The following COBL variants were observed in gnomAD, a reference collection of about 807,000 sequenced individuals.
COBL encodes protein cordon-bleu.
A neutral mutation model predicts 98.8 loss-of-function variants in COBL; 51 were observed. That is an observed-to-expected ratio of 0.52 (90% CI 0.41 to 0.65). COBL has a LOEUF of 0.65. Ranked by LOEUF, COBL falls within the 30% of genes least tolerant of loss-of-function variation. The pLI, the probability that COBL is intolerant of heterozygous loss-of-function variation, is 0.00. For missense variants in COBL, 1,617 were observed against 1,617.5 expected, an observed-to-expected ratio of 1.00 and a Z score of 0.01; for synonymous variants, 634 against 651.7, an observed-to-expected ratio of 0.97 and a Z score of 0.41.
At chr7:51,303,792 G>A (rs1802216861) in intron 1 of COBL, among the ~76,000 whole-genome samples, 1 of 152,024 alleles carries the variant, frequency 6.6e-6, no homozygotes, top group Non-Finnish European at 1.5e-5. Flanking sequence ...TTTTCCCAGT[G>A]GGTCTACAGA....
At chr7:51,039,407 C>G (rs1788954010) in intron 8 of COBL, among the ~76,000 whole-genome samples, 1 of 152,218 alleles carries the variant, frequency 6.6e-6, no homozygotes, top group African/African-American at 2.4e-5. Context: ...GGATCGTGAC[C>G]ACCTGACAGG....
At position 51,255,799 on chromosome 7, in the gene COBL, C is replaced by T. The variant is rs184946418; in HGVS notation, c.42-35855G>A. 5.2e-4 allele frequency among the ~76,000 whole-genome samples: 79 copies of T among 152,228 alleles called. 1 individual carries two copies. The highest frequency in any genetic ancestry group is 4.9e-4 in the Non-Finnish European group (33 of 68,020). ...ATGACCTCACATCAAGGTGGTGTGCCGATGCAGGAGCAATGCAGGCCCTGA... is the reference window on the plus strand; with the variant it reads ...ATGACCTCACATCAAGGTGGTGTGCTGATGCAGGAGCAATGCAGGCCCTGA... On this transcript the variant is annotated intron_variant, in intron 1 of 12. Transcript: ENST00000265136.
chr7:51,193,300 TAAG>T, intron 3 of COBL, 76 bp downstream of exon 3: 1 of 1,297,032 alleles, frequency 7.7e-7, no homozygotes, highest in East Asian at 2.3e-5. Flanking sequence ...TGTACTTTGA[TAAG>T]AAGAGCCACA....
intron 1 of COBL, among the ~76,000 whole-genome samples, chr7:51,303,998 C>T (rs141814867): frequency 1.6e-3 from 248 of 152,196 alleles, no homozygotes; most frequent in African/African-American, 5.7e-3. Context: ...CATGGAATAA[C>T]GCTGGCGGCA....
intron 1 of COBL, among the ~76,000 whole-genome samples, chr7:51,266,737 C>G (rs149576082): frequency 6.6e-6 from 1 of 152,138 alleles, no homozygotes. Context: ...AAGGACTCTA[C>G]GACACAAGCA....
chr7:51,083,135 G>C (rs1793839968), intron 7 of COBL: 2 of 1,529,208 alleles, frequency 1.3e-6, no homozygotes, highest in Non-Finnish European at 1.7e-6. Flanking sequence ...GTCTGTGTCG[G>C]GAGGAGGGTA....
intron 6 of COBL, among the ~76,000 whole-genome samples, chr7:51,113,465 A>G (rs1335355048): frequency 6.6e-6 from 1 of 152,172 alleles, no homozygotes; most frequent in Admixed American, 6.5e-5. Flanking sequence ...CTTAAAAAAC[A>G]TTGTTAAGAA....
At chr7:51,035,408 T>C (rs967895362) in intron 8 of COBL, 2 of 151,242 alleles carry the variant, frequency 1.3e-5, no homozygotes, top group Non-Finnish European at 2.9e-5. Flanking sequence ...TGCTTTTAGG[T>C]AGCAATCCAA....
At chr7:51,245,275 A>G (rs756412448) in intron 1 of COBL, among the ~76,000 whole-genome samples, 1 of 152,172 alleles carries the variant, frequency 6.6e-6, no homozygotes, top group Non-Finnish European at 1.5e-5. Context: ...AATTGCCATC[A>G]AAGTCCAACA....
At chr7:51,098,594 C>T (rs1287265961) in intron 6 of COBL, among the ~76,000 whole-genome samples, 3 of 151,912 alleles carry the variant, frequency 2.0e-5, no homozygotes, top group African/African-American at 7.3e-5. Context: ...TTACCGTTAA[C>T]CATATAAAAA....
intron 5 of COBL, 55 bp from the exon 6 acceptor site, chr7:51,136,386 G>T: frequency 6.6e-7 from 1 of 1,519,398 alleles, no homozygotes; most frequent in Non-Finnish European, 8.9e-7. Context: ...ACTTCTCCCC[G>T]TATGAATGCT....
At chr7:51,271,102 G>A (rs139416204) in intron 1 of COBL, among the ~76,000 whole-genome samples, 338 of 152,270 alleles carry the variant, frequency 2.2e-3, no homozygotes, top group Admixed American at 3.7e-3. Context: ...GTATCTCCAC[G>A]CTGGGGAGTC....
intron 1 of COBL, among the ~76,000 whole-genome samples, chr7:51,313,396 T>C (rs1470008744): frequency 1.3e-5 from 2 of 152,246 alleles, no homozygotes. Flanking sequence ...CTTCGATTAA[T>C]TTTTTAAAAT....
chr7:51,174,231 T>C (rs956256221), intron 5 of COBL, among the ~76,000 whole-genome samples: 2 of 152,190 alleles, frequency 1.3e-5, no homozygotes, highest in African/African-American at 4.8e-5. Context: ...ACCCGCACTA[T>C]GCTCGGCTTG....
chr7:51,212,047 C>T (rs1444028368), intron 2 of COBL, among the ~76,000 whole-genome samples: 2 of 152,086 alleles, frequency 1.3e-5, no homozygotes, highest in Admixed American at 1.3e-4. Context: ...CCCCTTCCTC[C>T]GCGACATCAT....
intron 5 of COBL, among the ~76,000 whole-genome samples, chr7:51,173,306 G>A (rs893400143): frequency 1.3e-5 from 2 of 151,710 alleles, no homozygotes; most frequent in Admixed American, 6.6e-5. Flanking sequence ...TCAGCCTCCC[G>A]AGTAGCTGGG....
At position 51,193,415 on chromosome 7, in the gene COBL, T is replaced by G. The variant is rs756649428; in HGVS notation, c.420A>C (p.Glu140Asp). 3 of 1,614,202 alleles carry G rather than the reference T, an allele frequency of 1.9e-6. No homozygotes were observed. The highest frequency in any genetic ancestry group is 1.7e-6 in the Non-Finnish European group (2 of 1,180,022). Reference sequence around the variant, plus strand: ...TAGGGGGACCAGGCTTAACCTTCTCTTCAGGAACTTTTTCTTTCAGAAACA... The same window carrying G: ...TAGGGGGACCAGGCTTAACCTTCTCGTCAGGAACTTTTTCTTTCAGAAACA... ...HTVFLKEKVP[E>D]EKVKPGPPKV... is the part of the protein sequence containing the mutation. The change falls in exon 3 of 13, where the codon GAA (glutamate) becomes GAC (aspartate). Residue 140 changes from glutamate (E) to aspartate (D), a missense_variant. Transcript: ENST00000265136.
At chr7:51,082,996 ACATC>A in intron 7 of COBL, 2 of 1,461,952 alleles carry the variant, frequency 1.4e-6, no homozygotes, top group Non-Finnish European at 1.9e-6. Context: ...CCCAGCCCTG[ACATC>A]GCAGTGCTCA....
At chr7:51,134,891 A>G (rs1799083579) in intron 6 of COBL, among the ~76,000 whole-genome samples, 1 of 152,248 alleles carries the variant, frequency 6.6e-6, no homozygotes, top group Non-Finnish European at 1.5e-5. Context: ...TTTTATGAAA[A>G]CACAGCTAAT....
Sources: gnomAD v4.1 joint callset for allele counts (sites outside exome capture counted in the v4.1 genomes callset) on GRCh38, gnomAD v4.1.1 for gene constraint, MANE v1.5 for transcripts, NCBI Gene and HGNC (gene_info 2026-07-23, HGNC 2026-07-21) for gene names.